KHDRBS3: variants seen among roughly 807,000 people sequenced by gnomAD.
The protein encoded by KHDRBS3 is KH RNA binding domain containing, signal transduction associated 3.
In KHDRBS3, 23 loss-of-function variants were observed where a neutral mutation model predicts 45.6. The observed-to-expected ratio is 0.50, with a 90% CI of 0.36 to 0.72. KHDRBS3 has a LOEUF of 0.72. KHDRBS3 is among the 30% of genes least tolerant of loss of function. The probability of loss-of-function intolerance (pLI) is 0.00; values close to 1 mark genes in which losing one functional copy is unlikely to be tolerated. For synonymous variants in KHDRBS3, 162 were observed against 156.5 expected (o/e 1.04, Z -0.26); for missense variants, 352 against 424.8 (o/e 0.83, Z 1.51).
chr8:135,573,751 T>TCATTCAAAG (rs1169085747), intron 5 of KHDRBS3, among the ~76,000 whole-genome samples: 35 of 152,192 alleles, frequency 2.3e-4, no homozygotes, highest in Admixed American at 1.5e-3. Flanking sequence ...TGGTATTTGT[T>TCATTCAAAG]CATTCAAAGC....
rs1586657702 is a variant in KHDRBS3, at chr8:135,522,725, C to T, written c.207+1370C>T. Among the ~76,000 whole-genome samples the T allele has an allele frequency of 3.3e-5, 5 of 152,274 alleles. No individual in the cohort carries two copies. In the South Asian group the frequency reaches 1.0e-3, roughly 32 times the overall value. Reference sequence around the variant, plus strand: ...TGAATCTTGAAATCTTTGCCAACCTCAAGGAAATGTTAGAGTTCTTTATAA... The same window carrying T: ...TGAATCTTGAAATCTTTGCCAACCTTAAGGAAATGTTAGAGTTCTTTATAA... On this transcript the variant is annotated intron_variant, in intron 2 of 8. Coordinates refer to ENST00000355849, the MANE Select transcript of KHDRBS3 (RefSeq NM_006558.3).
intron 1 of KHDRBS3, among the ~76,000 whole-genome samples, chr8:135,474,124 C>G (rs1479245275): frequency 6.6e-6 from 1 of 152,084 alleles, no homozygotes; most frequent in Non-Finnish European, 1.5e-5. Flanking sequence ...TTGTCAATTT[C>G]TGTGTGAGTA....
intron 4 of KHDRBS3, 155 bp downstream of exon 4, chr8:135,549,055 A>G (rs537337597): frequency 2.3e-6 from 1 of 428,756 alleles, no homozygotes; most frequent in South Asian, 9.3e-5. Context: ...GTCCTTGTAA[A>G]TTACTGGGCA....
At chr8:135,525,120 A>C (rs1825114325) in intron 2 of KHDRBS3, among the ~76,000 whole-genome samples, 1 of 152,254 alleles carries the variant, frequency 6.6e-6, no homozygotes, top group East Asian at 1.9e-4. Context: ...TTGTGAATGT[A>C]CATTGTAGAA....
chr8:135,617,700 A>T (rs138910843), intron 7 of KHDRBS3, among the ~76,000 whole-genome samples: 1 of 152,210 alleles, frequency 6.6e-6, no homozygotes, highest in East Asian at 1.9e-4. Flanking sequence ...CAGTCTAAGC[A>T]CTCTGCTATA....
At chr8:135,561,766 C>T (rs1827179740) in intron 5 of KHDRBS3, among the ~76,000 whole-genome samples, 1 of 151,988 alleles carries the variant, frequency 6.6e-6, no homozygotes, top group Non-Finnish European at 1.5e-5. Flanking sequence ...TGCCTAGTGA[C>T]GATGATGATC....
chr8:135,559,180 T>C (rs990040650), intron 5 of KHDRBS3, among the ~76,000 whole-genome samples: 1 of 151,906 alleles, frequency 6.6e-6, no homozygotes, highest in Non-Finnish European at 1.5e-5. Flanking sequence ...TAGAAATTTC[T>C]TTTTCTAGAT....
chr8:135,500,471 C>G (rs113659090), intron 1 of KHDRBS3, among the ~76,000 whole-genome samples: 17 of 152,102 alleles, frequency 1.1e-4, no homozygotes, highest in African/African-American at 3.6e-4. Flanking sequence ...AGAGGCTACT[C>G]TGAAGAGGAA....
chr8:135,614,542 C>T (rs1312692976), intron 7 of KHDRBS3, among the ~76,000 whole-genome samples: 1 of 151,624 alleles, frequency 6.6e-6, no homozygotes, highest in Non-Finnish European at 1.5e-5. Context: ...CTAAATAGAA[C>T]ATAAAGGGTC....
chr8:135,562,210 A>G (rs778256175), intron 5 of KHDRBS3, among the ~76,000 whole-genome samples: 1 of 152,176 alleles, frequency 6.6e-6, no homozygotes, highest in African/African-American at 2.4e-5. Flanking sequence ...TGCCCTATCT[A>G]GGTTTACCAT....
chr8:135,638,307 C>A (rs1830903401), intron 7 of KHDRBS3, among the ~76,000 whole-genome samples: 1 of 152,120 alleles, frequency 6.6e-6, no homozygotes, highest in Admixed American at 6.5e-5. Flanking sequence ...GTAGTCCCAC[C>A]CTCTGGAGGA....
intron 1 of KHDRBS3, among the ~76,000 whole-genome samples, chr8:135,488,785 A>G (rs1822994981): frequency 6.6e-6 from 1 of 152,206 alleles, no homozygotes; most frequent in Non-Finnish European, 1.5e-5. Flanking sequence ...ACAATATGGC[A>G]TTGTAACTTA....
At chr8:135,572,799 T>G (rs1827767705) in intron 5 of KHDRBS3, among the ~76,000 whole-genome samples, 3 of 152,262 alleles carry the variant, frequency 2.0e-5, no homozygotes, top group Admixed American at 1.3e-4. Context: ...TCATCAGCTC[T>G]GACAGTTTCT....
At chr8:135,588,110 T>C (rs1447144624) in intron 6 of KHDRBS3, among the ~76,000 whole-genome samples, 1 of 152,200 alleles carries the variant, frequency 6.6e-6, no homozygotes, top group Non-Finnish European at 1.5e-5. Flanking sequence ...TAGTCCCACT[T>C]GAGGTGCCAG....
chr8:135,584,831 T>C (rs1657485455), intron 6 of KHDRBS3, among the ~76,000 whole-genome samples: 1 of 152,160 alleles, frequency 6.6e-6, no homozygotes, highest in Admixed American at 6.5e-5. Context: ...ACCTTGGCCA[T>C]TGGTCTCAAC....
chr8:135,507,318 A>C lies in KHDRBS3; in HGVS notation c.89-13919A>C, dbSNP rs141610293. On this transcript the variant is annotated intron_variant, in intron 1 of 8. Coordinates refer to ENST00000355849, the MANE Select transcript of KHDRBS3 (RefSeq NM_006558.3). Reference sequence around the variant, plus strand: ...ATCTAAGGTACTTATTGTTAGTTTTAGTCAAAGTAAAGGTCTGTATTTATT... The same window carrying C: ...ATCTAAGGTACTTATTGTTAGTTTTCGTCAAAGTAAAGGTCTGTATTTATT... Among the ~76,000 whole-genome samples the C allele has an allele frequency of 3.3e-5, 5 of 152,334 alleles. No individual in the cohort carries two copies. The East Asian group carries it at 9.6e-4, about 29-fold the overall frequency.
At chr8:135,531,586 G>T (rs1415895764) in intron 2 of KHDRBS3, among the ~76,000 whole-genome samples, 2 of 151,958 alleles carry the variant, frequency 1.3e-5, no homozygotes, top group African/African-American at 4.8e-5. Context: ...ATAGGGGAAA[G>T]GATAAATTTT....
Position 135,611,469 on chromosome 8 carries a change from G to T in KHDRBS3, c.890+4432G>T, listed in dbSNP as rs1829702750. On this transcript the variant is annotated intron_variant, in intron 7 of 8. Transcript: ENST00000355849. ...AGGAAGCAGCTATATATAGTGTGGG[G>T]TGAAGAAATGGTTCTATGCACCATA... Among the ~76,000 whole-genome samples the T allele has an allele frequency of 2.6e-5, 4 of 151,870 alleles. No homozygotes were observed. In the South Asian group the frequency reaches 8.3e-4, roughly 31 times the overall value.
At chr8:135,655,411 G>A (rs1329292377) in intron 4 of KHDRBS3, among the ~76,000 whole-genome samples, 1 of 152,226 alleles carries the variant, frequency 6.6e-6, no homozygotes, top group East Asian at 1.9e-4. Context: ...AAGCCAGGAA[G>A]GGAGGAGAAA....
Sources: gnomAD v4.1 joint callset for allele counts (sites outside exome capture counted in the v4.1 genomes callset) on GRCh38, gnomAD v4.1.1 for gene constraint, MANE v1.5 for transcripts, NCBI Gene and HGNC (gene_info 2026-07-23, HGNC 2026-07-21) for gene names.